The following KCNN2 variants were observed in gnomAD, a reference collection of about 807,000 sequenced individuals.
KCNN2 encodes the protein small conductance calcium-activated potassium channel protein 2.
KCNN2 carries 24 observed loss-of-function variants against 55.5 expected under a neutral mutation model. That is an observed-to-expected ratio of 0.43 (90% CI 0.31 to 0.61). The LOEUF (loss-of-function observed/expected upper bound fraction) is 0.61. Ranked by LOEUF, KCNN2 falls within the 20% of genes least tolerant of loss-of-function variation. The pLI is 0.08. For synonymous variants in KCNN2, 431 were observed against 336.1 expected, an observed-to-expected ratio of 1.28 and a Z score of -3.09; for missense variants, 754 against 853.6, an observed-to-expected ratio of 0.88 and a Z score of 1.45.
chr5:114,246,870 A>C (rs1233048114), intron 2 of KCNN2, among the ~76,000 whole-genome samples: 1 of 152,004 alleles, frequency 6.6e-6, no homozygotes, highest in Non-Finnish European at 1.5e-5. Context: ...AATATTTCTA[A>C]AACCTAAGTT....
rs758460309 is a variant in KCNN2 at position 114,404,608 on chromosome 5, C to T, written c.1389C>T (p.Thr463=). The change falls in exon 3 of 8, where the codon ACC becomes ACT. Residue 463 remains threonine, a synonymous_variant. Transcript: ENST00000673685. ...TCTCCTATGCCCCATCCACAACCAC[C>T]GCTGATGTGGATATTATTTTATCTA... ...LAFSYAPSTT[T]ADVDIILSIP... 27 of 1,613,248 alleles carry T rather than the reference C, an allele frequency of 1.7e-5. No homozygotes were observed. Among genetic ancestry groups the T allele is most frequent in the African/African-American group, 2.7e-5 (2 of 74,902 alleles).
intron 1 of KCNN2, among the ~76,000 whole-genome samples, chr5:114,074,913 A>G (rs1428009223): frequency 6.6e-6 from 1 of 152,216 alleles, no homozygotes; most frequent in Admixed American, 6.5e-5. Flanking sequence ...TAGTTTTGAA[A>G]GTGAGTTGAA....
chr5:114,197,312 G>T (rs1753577785), intron 1 of KCNN2, among the ~76,000 whole-genome samples: 1 of 152,068 alleles, frequency 6.6e-6, no homozygotes, highest in African/African-American at 2.4e-5. Flanking sequence ...TTGTTTAATG[G>T]GATGTTCTAG....
intron 1 of KCNN2, among the ~76,000 whole-genome samples, chr5:114,150,186 G>A (rs867502663): frequency 8.5e-5 from 13 of 152,208 alleles, no homozygotes; most frequent in East Asian, 1.9e-4. Flanking sequence ...GGAACATTTC[G>A]TCTTGTATTC....
At chr5:114,476,326 T>C (rs1363660785) in intron 5 of KCNN2, among the ~76,000 whole-genome samples, 1 of 151,946 alleles carries the variant, frequency 6.6e-6, no homozygotes, top group Non-Finnish European at 1.5e-5. Context: ...TCATTACTAC[T>C]TTTTAAAAGT....
At chr5:114,420,449 G>C (rs967878704) in intron 3 of KCNN2, among the ~76,000 whole-genome samples, 1 of 152,184 alleles carries the variant, frequency 6.6e-6, no homozygotes, top group Non-Finnish European at 1.5e-5. Context: ...ATGCAGGACT[G>C]CTTCTACCAA....
intron 2 of KCNN2, among the ~76,000 whole-genome samples, chr5:114,234,756 G>A (rs1754439047): frequency 6.6e-6 from 1 of 152,132 alleles, no homozygotes; most frequent in South Asian, 2.1e-4. Flanking sequence ...AAACATTTAG[G>A]GAGCAGAGCA....
At chr5:114,461,088 C>T (rs1385367352) in intron 3 of KCNN2, among the ~76,000 whole-genome samples, 3 of 152,102 alleles carry the variant, frequency 2.0e-5, no homozygotes, top group Non-Finnish European at 4.4e-5. Flanking sequence ...AAACCACGTC[C>T]TCCCATTGAA....
intron 1 of KCNN2, among the ~76,000 whole-genome samples, chr5:114,217,241 A>G (rs1203923804): frequency 1.3e-5 from 2 of 152,136 alleles, no homozygotes; most frequent in Non-Finnish European, 2.9e-5. Flanking sequence ...TGTGGATATC[A>G]ATAAACTAAT....
intron 1 of KCNN2, among the ~76,000 whole-genome samples, chr5:114,125,502 T>C (rs1316342001): frequency 2.0e-5 from 3 of 152,180 alleles, no homozygotes; most frequent in Non-Finnish European, 4.4e-5. Flanking sequence ...CTCTCCACTT[T>C]TATCACCTTG....
intron 1 of KCNN2, among the ~76,000 whole-genome samples, chr5:114,064,360 C>T (rs1199847140): frequency 2.0e-5 from 3 of 152,158 alleles, no homozygotes; most frequent in African/African-American, 7.2e-5. Flanking sequence ...GAGCCCAGGC[C>T]TTAAGAGGAT....
chr5:114,218,688 A>C (rs1437104060), intron 1 of KCNN2, among the ~76,000 whole-genome samples: 2 of 152,160 alleles, frequency 1.3e-5, no homozygotes, highest in East Asian at 3.9e-4. Context: ...AAACCATAGA[A>C]TGTACATACC....
At chr5:114,466,012 T>A (rs1761429509) in intron 4 of KCNN2, among the ~76,000 whole-genome samples, 1 of 152,146 alleles carries the variant, frequency 6.6e-6, no homozygotes, top group South Asian at 2.1e-4. Context: ...AGCATATGGA[T>A]GAAAGTGACC....
At position 114,439,812 on chromosome 5, in the gene KCNN2, G is replaced by C. The variant is rs187178919; in HGVS notation, c.1638-23237G>C. Among the ~76,000 whole-genome samples the C allele has an allele frequency of 8.0e-4, 122 of 152,248 alleles. No individual in the cohort carries two copies. In the South Asian group the frequency reaches 0.01, roughly 13 times the overall value. ...AAAAACACCCTTGATTCCCAGGCTG[G>C]GTGGGGTGTGTGCTTGGTGAGGTTA... On this transcript the variant is annotated intron_variant, in intron 3 of 7. Transcript: ENST00000673685.
At chr5:114,121,766 C>G (rs536167234) in intron 1 of KCNN2, among the ~76,000 whole-genome samples, 1 of 152,322 alleles carries the variant, frequency 6.6e-6, no homozygotes, top group South Asian at 2.1e-4. Flanking sequence ...ACTCTCCCAA[C>G]TTGGTCTTAA....
At chr5:114,446,111 C>A (rs1440911777) in intron 3 of KCNN2, among the ~76,000 whole-genome samples, 1 of 152,162 alleles carries the variant, frequency 6.6e-6, no homozygotes, top group African/African-American at 2.4e-5. Flanking sequence ...GGAGTACTAC[C>A]TGTCTGAGTA....
chr5:114,320,419 C>G (rs900035711), intron 2 of KCNN2, among the ~76,000 whole-genome samples: 1 of 152,066 alleles, frequency 6.6e-6, no homozygotes, highest in African/African-American at 2.4e-5. Context: ...CAAGACCATC[C>G]TGGCTAACAT....
rs747262756 is a variant in KCNN2, at chr5:114,487,043, T to C, written c.1891-7T>C. ...TTTATCAACTGCTTTGTTTGTTCTC[T>C]TAACAGGTAAAAAATGCAGCTGCCA... On this transcript the variant is annotated splice_polypyrimidine_tract_variant and splice_region_variant and intron_variant, in intron 5 of 7. Transcript: ENST00000673685. The C allele has an allele frequency of 1.1e-5, 17 of 1,612,822 alleles. No individual in the cohort carries two copies. Among genetic ancestry groups the C allele is most frequent in the Non-Finnish European group, 1.4e-5 (17 of 1,179,200 alleles).
At chr5:114,287,524 C>T (rs1205736888) in intron 2 of KCNN2, among the ~76,000 whole-genome samples, 2 of 151,282 alleles carry the variant, frequency 1.3e-5, no homozygotes, top group Admixed American at 6.6e-5. Context: ...CACATGTTCT[C>T]ACTGGTAAGT....
Sources: gnomAD v4.1 joint callset for allele counts (sites outside exome capture counted in the v4.1 genomes callset) on GRCh38, gnomAD v4.1.1 for gene constraint, MANE v1.5 for transcripts, NCBI Gene and HGNC (gene_info 2026-07-23, HGNC 2026-07-21) for gene names.